DOCK2: variants seen among roughly 807,000 people sequenced by gnomAD.
DOCK2 encodes the protein dedicator of cytokinesis protein 2.
DOCK2 carries 87 observed loss-of-function variants against 248.9 expected under a neutral mutation model. That is an observed-to-expected ratio of 0.35 (90% CI 0.29 to 0.42). The LOEUF (loss-of-function observed/expected upper bound fraction) is 0.42. DOCK2 is among the 10% of genes least tolerant of loss of function. DOCK2 has a pLI of 1.00. For missense variants in DOCK2, 1,747 were observed against 2,300.2 expected, an observed-to-expected ratio of 0.76 and a Z score of 4.92; for synonymous variants, 805 against 821.6, an observed-to-expected ratio of 0.98 and a Z score of 0.35.
Position 170,076,099 on chromosome 5 carries a change from T to C in DOCK2, c.4866+15T>C, listed in dbSNP as rs1757828234. The C allele has an allele frequency of 1.2e-6, 2 of 1,613,316 alleles. No homozygotes were observed. The highest frequency in any genetic ancestry group is 1.3e-5 in the African/African-American group (1 of 74,968). On this transcript the variant is annotated intron_variant, in intron 47 of 51. Transcript: ENST00000520908. ...TCCGAGAGATGGTATGGGTGGTTCC[T>C]ATGGCTTGGAGGGGTGGGATTGTGC...
rs147385436 is a variant in DOCK2, at chr5:169,778,889, C to T, written c.2554+17264C>T. ...CTACCAATCTATCTATCTATATATC[C>T]AAGAAAATTTTCAGCAAAAAAATTC... On this transcript the variant is annotated intron_variant, in intron 25 of 51. Coordinates refer to ENST00000520908, the MANE Select transcript of DOCK2 (RefSeq NM_004946.3). 5.3e-5 allele frequency among the ~76,000 whole-genome samples: 8 copies of T among 152,208 alleles called. No homozygotes were observed. In the East Asian group the frequency reaches 1.4e-3, roughly 26 times the overall value.
intron 27 of DOCK2, among the ~76,000 whole-genome samples, chr5:169,960,705 G>A (rs980505699): frequency 1.3e-5 from 2 of 152,072 alleles, no homozygotes; most frequent in African/African-American, 4.8e-5. Context: ...ACAATCCATG[G>A]TTTTACTTTC....
At chr5:170,068,010 C>A (rs769269602) in intron 45 of DOCK2, among the ~76,000 whole-genome samples, 4 of 152,106 alleles carry the variant, frequency 2.6e-5, no homozygotes, top group Non-Finnish European at 5.9e-5. Context: ...GTGAGCCAGA[C>A]CATAAAAGTA....
At chr5:170,034,867 C>T (rs2113837556) in intron 35 of DOCK2, among the ~76,000 whole-genome samples, 1 of 152,240 alleles carries the variant, frequency 6.6e-6, no homozygotes, top group Non-Finnish European at 1.5e-5. Flanking sequence ...AGTCACACAG[C>T]CTCTGGGTTT....
At chr5:169,697,785 C>T (rs1272151541) in intron 10 of DOCK2, among the ~76,000 whole-genome samples, 1 of 152,198 alleles carries the variant, frequency 6.6e-6, no homozygotes, top group Non-Finnish European at 1.5e-5. Context: ...CCCTCTCCTA[C>T]ACTCCCACTT....
At chr5:170,041,958 C>T (rs1581550035) in intron 37 of DOCK2, 55 bp from the exon 38 acceptor site, 1 of 1,593,660 alleles carries the variant, frequency 6.3e-7, no homozygotes, top group Non-Finnish European at 8.6e-7. Flanking sequence ...TAGGAAGACA[C>T]CTGCTCTTGG....
chr5:169,694,393 G>T (rs1238498559), intron 9 of DOCK2, among the ~76,000 whole-genome samples: 1 of 152,226 alleles, frequency 6.6e-6, no homozygotes, highest in Non-Finnish European at 1.5e-5. Flanking sequence ...TTAGATTCGA[G>T]CATGAAGTCA....
At chr5:169,776,114 A>G (rs1765367927) in intron 25 of DOCK2, among the ~76,000 whole-genome samples, 1 of 148,844 alleles carries the variant, frequency 6.7e-6, no homozygotes, top group South Asian at 2.1e-4. Context: ...TCTCTTTTGT[A>G]TCATATATAT....
intron 41 of DOCK2, among the ~76,000 whole-genome samples, chr5:170,051,646 G>A (rs572022329): frequency 3.3e-5 from 5 of 152,262 alleles, no homozygotes; most frequent in South Asian, 2.1e-4. Flanking sequence ...CTTTTTAAAC[G>A]TGCATGGAGG....
intron 27 of DOCK2, among the ~76,000 whole-genome samples, chr5:169,844,025 A>G (rs542616682): frequency 1.2e-4 from 18 of 152,224 alleles, no homozygotes; most frequent in Non-Finnish European, 2.4e-4. Flanking sequence ...TTCACAAACA[A>G]GTGTTGTATG....
chr5:170,026,613 A>G lies in DOCK2; in HGVS notation c.3382-1250A>G, dbSNP rs1286032085. On this transcript the variant is annotated intron_variant, in intron 33 of 51. Coordinates refer to ENST00000520908, the MANE Select transcript of DOCK2 (RefSeq NM_004946.3). ...ATGATTTGGATGGACTCTTCAGGGTATAATACTAAAATAGTAAAAACCATT... is the reference window on the plus strand; with the variant it reads ...ATGATTTGGATGGACTCTTCAGGGTGTAATACTAAAATAGTAAAAACCATT... Among the ~76,000 whole-genome samples, 11 of 152,222 alleles carry G rather than the reference A, an allele frequency of 7.2e-5. 1 individual carries two copies. Among genetic ancestry groups the G allele is most frequent in the Non-Finnish European group, 1.6e-4 (11 of 68,034 alleles).
chr5:169,823,233 CA>C (rs1244771966), intron 26 of DOCK2, among the ~76,000 whole-genome samples: 2 of 152,108 alleles, frequency 1.3e-5, no homozygotes, highest in African/African-American at 4.8e-5. Context: ...CTATTCCAAT[CA>C]ATAGAAAAAG....
intron 27 of DOCK2, chr5:169,841,372 A>G (rs970600342): frequency 4.1e-6 from 4 of 987,360 alleles, no homozygotes; most frequent in Admixed American, 6.0e-5. Flanking sequence ...CTGCCCCGTC[A>G]TCTGATTATT....
chr5:169,691,240 T>C (rs1412199383), intron 9 of DOCK2, among the ~76,000 whole-genome samples: 3 of 152,164 alleles, frequency 2.0e-5, no homozygotes, highest in African/African-American at 7.2e-5. Context: ...ACCTTTGGTG[T>C]CATTTCTCCT....
In DOCK2 at chr5:170,047,612, C is replaced by T. The variant is rs1177166833; in HGVS notation, c.4069C>T (p.Arg1357Trp). The T allele has an allele frequency of 3.7e-6, 6 of 1,613,828 alleles. No homozygotes were observed. Among genetic ancestry groups the T allele is most frequent in the South Asian group, 1.1e-5 (1 of 90,996 alleles). Reference sequence around the variant, plus strand: ...CGGCCAGGGATTCCCCTCCTTCCTGCGGGTGAGTTTGGGGGTGACTTGGAC... The same window carrying T: ...CGGCCAGGGATTCCCCTCCTTCCTGTGGGTGAGTTTGGGGGTGACTTGGAC... ...YYGQGFPSFL[R>W]NKVFIYRGKE... The change falls in exon 40 of 52, where the codon CGG becomes TGG. Residue 1357 changes from arginine (R) to tryptophan (W), a missense_variant and splice_region_variant. Physicochemically the swap from Arg to Trp is moderately radical, Grantham distance 101. Coordinates refer to ENST00000520908, the MANE Select transcript of DOCK2 (RefSeq NM_004946.3).
At chr5:169,711,175 T>C (rs1761563175) in intron 15 of DOCK2, among the ~76,000 whole-genome samples, 1 of 152,230 alleles carries the variant, frequency 6.6e-6, no homozygotes, top group African/African-American at 2.4e-5. Flanking sequence ...TTAATAGGCA[T>C]CTGTACAGTA....
chr5:169,864,039 C>CGGT (rs1771374405), intron 27 of DOCK2, among the ~76,000 whole-genome samples: 1 of 152,122 alleles, frequency 6.6e-6, no homozygotes, highest in Non-Finnish European at 1.5e-5. Flanking sequence ...ACTTGGCAAG[C>CGGT]GGTCACTCTA....
chr5:169,646,135 G>A (rs187830703), intron 1 of DOCK2, among the ~76,000 whole-genome samples: 1 of 152,162 alleles, frequency 6.6e-6, no homozygotes, highest in Non-Finnish European at 1.5e-5. Flanking sequence ...TAAGGAAGGG[G>A]TCCAGTTTCA....
At chr5:169,767,756 G>A (rs1224734425) in intron 25 of DOCK2, among the ~76,000 whole-genome samples, 1 of 152,082 alleles carries the variant, frequency 6.6e-6, no homozygotes, top group Non-Finnish European at 1.5e-5. Flanking sequence ...CAACTTAAAG[G>A]GAGAGACTTA....
Sources: gnomAD v4.1 joint callset for allele counts (sites outside exome capture counted in the v4.1 genomes callset) on GRCh38, gnomAD v4.1.1 for gene constraint, MANE v1.5 for transcripts, NCBI Gene and HGNC (gene_info 2026-07-23, HGNC 2026-07-21) for gene names.